ABL1: variants seen among roughly 807,000 people sequenced by gnomAD.
The protein encoded by ABL1 is tyrosine-protein kinase ABL1.
Under a neutral mutation model 94.7 loss-of-function variants are expected in ABL1, and 11 were observed. The ratio of observed to expected loss-of-function variants is 0.12; its 90% CI spans 0.07 to 0.19. The LOEUF (loss-of-function observed/expected upper bound fraction) is 0.19. Ranked by LOEUF, ABL1 falls within the 10% of genes least tolerant of loss-of-function variation. ABL1 has a pLI of 1.00. For synonymous variants in ABL1, 656 were observed against 622.4 expected (o/e 1.05, Z -0.80); for missense variants, 1,082 against 1,489.4 (o/e 0.73, Z 4.50).
chr9:130,849,574 A>G (rs1421113658), intron 1 of ABL1, among the ~76,000 whole-genome samples: 2 of 152,116 alleles, frequency 1.3e-5, no homozygotes, highest in Non-Finnish European at 2.9e-5. Context: ...GGCAGAGTGC[A>G]GTGCCGCGAC....
chr9:130,716,748 A>AT (rs879468000), intron 1 of ABL1, among the ~76,000 whole-genome samples: 23 of 148,046 alleles, frequency 1.6e-4, no homozygotes, highest in East Asian at 9.8e-4. Context: ...ATTTTGGAGA[A>AT]TTTTTTTTTT....
chr9:130,714,021 C>T, exon 1 of ABL1: 2 of 297,058 alleles, frequency 6.7e-6, no homozygotes, highest in Non-Finnish European at 1.2e-5. Flanking sequence ...GGTTTTTCTT[C>T]TTGAAAAGAA....
chr9:130,738,065 C>A (rs532293324), intron 1 of ABL1, among the ~76,000 whole-genome samples: 14 of 152,034 alleles, frequency 9.2e-5, no homozygotes, highest in Admixed American at 7.9e-4. Flanking sequence ...CTCCTGACCT[C>A]GTGATCCGCC....
At chr9:130,807,850 A>G (rs1347239658) in intron 1 of ABL1, among the ~76,000 whole-genome samples, 1 of 151,088 alleles carries the variant, frequency 6.6e-6, no homozygotes, top group Non-Finnish European at 1.5e-5. Flanking sequence ...GGCACCCGCC[A>G]CCATGCCCGG....
intron 1 of ABL1, among the ~76,000 whole-genome samples, chr9:130,724,296 C>G (rs919129417): frequency 1.3e-5 from 2 of 152,086 alleles, no homozygotes; most frequent in Non-Finnish European, 2.9e-5. Flanking sequence ...AAAAAAAATT[C>G]TTGATAAGAA....
intron 1 of ABL1, among the ~76,000 whole-genome samples, chr9:130,829,564 CAAAAAA>C (rs1167581144): frequency 2.9e-5 from 2 of 68,708 alleles, no homozygotes; most frequent in African/African-American, 4.9e-5. Context: ...GACTACGTCT[CAAAAAA>C]AAAAAAAAAA....
At chr9:130,714,488 T>G in intron 1 of ABL1, 1 of 1,614,182 alleles carries the variant, frequency 6.2e-7, no homozygotes, top group Non-Finnish European at 8.5e-7. Context: ...GCTCATGGTT[T>G]TCCTCATGCA....
chr9:130,821,046 C>T (rs1830354530), intron 1 of ABL1, among the ~76,000 whole-genome samples: 1 of 152,152 alleles, frequency 6.6e-6, no homozygotes, highest in Non-Finnish European at 1.5e-5. Flanking sequence ...TCTCCTGCCT[C>T]AGCCTCCCGA....
chr9:130,736,500 T>C (rs766247636), intron 1 of ABL1, among the ~76,000 whole-genome samples: 5 of 152,192 alleles, frequency 3.3e-5, no homozygotes, highest in Non-Finnish European at 5.9e-5. Context: ...TGTTTTGTTT[T>C]GTTTTTTGAG....
At chr9:130,744,578 CG>C (rs1831860713) in intron 1 of ABL1, among the ~76,000 whole-genome samples, 2 of 150,932 alleles carry the variant, frequency 1.3e-5, no homozygotes, top group African/African-American at 4.9e-5. Context: ...TCTGGCCAGG[CG>C]CAGTGGCTCA....
intron 1 of ABL1, among the ~76,000 whole-genome samples, chr9:130,825,753 T>G (rs954113957): frequency 3.9e-5 from 6 of 152,360 alleles, no homozygotes; most frequent in East Asian, 1.9e-4. Flanking sequence ...TCTTTAAGTT[T>G]AATTCAAGCA....
intron 3 of ABL1, among the ~76,000 whole-genome samples, chr9:130,855,400 TC>T (rs1311613454): frequency 7.4e-6 from 1 of 135,820 alleles, no homozygotes; most frequent in Non-Finnish European, 1.5e-5. Flanking sequence ...ATAAGATTCT[TC>T]CTTTAAAAAA....
chr9:130,858,432 G>A (rs1831009617), intron 3 of ABL1, among the ~76,000 whole-genome samples: 1 of 152,032 alleles, frequency 6.6e-6, no homozygotes, highest in Non-Finnish European at 1.5e-5. Context: ...CACTTCCCTT[G>A]GCGTCTTGCC....
At chr9:130,792,989 G>A (rs1328341648) in intron 1 of ABL1, among the ~76,000 whole-genome samples, 2 of 152,164 alleles carry the variant, frequency 1.3e-5, no homozygotes, top group East Asian at 1.9e-4. Flanking sequence ...GCAATGGCAC[G>A]ATCTCGGCTC....
chr9:130,838,973 A>G (rs1749240832), intron 1 of ABL1, among the ~76,000 whole-genome samples: 1 of 152,102 alleles, frequency 6.6e-6, no homozygotes, highest in Non-Finnish European at 1.5e-5. Context: ...GCAGTGGCAC[A>G]ATCACAGCTC....
chr9:130,877,785 C>A (rs1333611281), intron 7 of ABL1, among the ~76,000 whole-genome samples: 3 of 144,784 alleles, frequency 2.1e-5, no homozygotes, highest in Non-Finnish European at 4.5e-5. Context: ...GGACTACTGG[C>A]GTACACCACC....
chr9:130,883,589 G>A (rs1214434145), intron 10 of ABL1, among the ~76,000 whole-genome samples: 2 of 151,458 alleles, frequency 1.3e-5, no homozygotes, highest in African/African-American at 4.9e-5. Flanking sequence ...TCCCTGCACT[G>A]GTTTACTTGA....
At chr9:130,779,242 G>A (rs976589992) in intron 1 of ABL1, among the ~76,000 whole-genome samples, 1 of 152,218 alleles carries the variant, frequency 6.6e-6, no homozygotes, top group East Asian at 1.9e-4. Context: ...CTGCACCGGA[G>A]ATGTGTGTGC....
Position 130,814,601 on chromosome 9 carries a change from G to A in ABL1, c.137-39463G>A, listed in dbSNP as rs767028890. ...TCACTCAAGAAGTAACCATCTGCCG[G>A]GCGCAGTGGCTTACGCCTGTAATCC... On this transcript the variant is annotated intron_variant, in intron 1 of 10. Transcript: ENST00000372348. The surrounding 1 kb of genome is among the most constrained non-coding windows in gnomAD (Gnocchi z 4.4). 6.6e-6 allele frequency among the ~76,000 whole-genome samples: 1 copy of A among 152,220 alleles called. No individual in the cohort carries two copies. The highest frequency in any genetic ancestry group is 1.5e-5 in the Non-Finnish European group (1 of 68,044).
Sources: gnomAD v4.1 joint callset for allele counts (sites outside exome capture counted in the v4.1 genomes callset) on GRCh38, gnomAD v4.1.1 for gene constraint, Gnocchi (gnomAD v3.1) non-coding constraint, MANE v1.5 for transcripts, NCBI Gene and HGNC (gene_info 2026-07-23, HGNC 2026-07-21) for gene names.